DPP6: variants seen among roughly 807,000 people sequenced by gnomAD.
DPP6 encodes the protein A-type potassium channel modulatory protein DPP6.
DPP6 carries 69 observed loss-of-function variants against 122.6 expected under a neutral mutation model. The observed-to-expected ratio is 0.56, with a 90% confidence interval of 0.46 to 0.69. The LOEUF (loss-of-function observed/expected upper bound fraction) is 0.69. DPP6 is among the 30% of genes least tolerant of loss of function. DPP6 has a pLI of 0.00. For synonymous variants in DPP6, 418 were observed against 433.1 expected, an observed-to-expected ratio of 0.97 and a Z score of 0.43; for missense variants, 928 against 1,116.9, an observed-to-expected ratio of 0.83 and a Z score of 2.41.
At chr7:154,443,837 C>T (rs1474052308) in intron 1 of DPP6, among the ~76,000 whole-genome samples, 1 of 152,162 alleles carries the variant, frequency 6.6e-6, no homozygotes, top group African/African-American at 2.4e-5. Context: ...CATGTGGTAA[C>T]GGAATAGGGA....
chr7:154,399,011 G>T (rs914298370), intron 1 of DPP6, among the ~76,000 whole-genome samples: 1 of 152,162 alleles, frequency 6.6e-6, no homozygotes, highest in Non-Finnish European at 1.5e-5. Flanking sequence ...TTGGAGCAGG[G>T]CTCTTAATTG....
chr7:154,763,268 G>T (rs1795675188), intron 8 of DPP6, among the ~76,000 whole-genome samples: 1 of 152,066 alleles, frequency 6.6e-6, no homozygotes, highest in African/African-American at 2.4e-5. Context: ...GGAGGCAGAG[G>T]TTGCAGTGAG....
In DPP6 at chr7:153,913,012, T is replaced by C. The variant is rs1456944490; in HGVS notation, c.51+25278T>C. Reference sequence around the variant, plus strand: ...TAGCTGGTAACCAACGATGGAGGTTTCTTCTCCAGTAGTAACTGTGTGTAA... The same window carrying C: ...TAGCTGGTAACCAACGATGGAGGTTCCTTCTCCAGTAGTAACTGTGTGTAA... On this transcript the variant is annotated intron_variant, in intron 1 of 25. Coordinates refer to the DPP6 transcript ENST00000404039. 2.6e-5 allele frequency among the ~76,000 whole-genome samples: 4 copies of C among 152,220 alleles called. No individual in the cohort carries two copies. In the East Asian group the frequency reaches 5.8e-4, roughly 22 times the overall value.
chr7:154,289,079 G>A (rs971709599), intron 1 of DPP6, among the ~76,000 whole-genome samples: 9 of 152,232 alleles, frequency 5.9e-5, no homozygotes, highest in Admixed American at 4.6e-4. Context: ...CTGGGCAGAC[G>A]ATAATACTAA....
chr7:154,147,340 A>G (rs3115156), intron 1 of DPP6, among the ~76,000 whole-genome samples: 5,591 of 143,120 alleles, frequency 0.039, no homozygotes, highest in African/African-American at 0.15. Context: ...ATACATGCAT[A>G]AACATAAGAA....
intron 20 of DPP6, among the ~76,000 whole-genome samples, chr7:154,878,556 C>T (rs1208120731): frequency 1.3e-5 from 2 of 152,192 alleles, no homozygotes; most frequent in Non-Finnish European, 2.9e-5. Flanking sequence ...CCAATTTGAT[C>T]GGAAACCTAA....
chr7:154,723,163 T>C (rs1841902747), intron 7 of DPP6, among the ~76,000 whole-genome samples: 1 of 152,028 alleles, frequency 6.6e-6, no homozygotes, highest in Non-Finnish European at 1.5e-5. Flanking sequence ...GGAGGCTCAG[T>C]GGGAGGATTG....
chr7:154,776,748 G>C (rs138325585), intron 10 of DPP6, among the ~76,000 whole-genome samples: 229 of 152,300 alleles, frequency 1.5e-3, no homozygotes, highest in Non-Finnish European at 2.9e-3. Context: ...AAACTTACTT[G>C]CTATTTAGCC....
the DPP6 span, among the ~76,000 whole-genome samples, chr7:153,860,349 A>G: frequency 2.6e-5 from 4 of 152,116 alleles, no homozygotes; most frequent in Admixed American, 6.6e-5. Context: ...GCTGACTGGC[A>G]GAAGCTCCAT....
At chr7:154,675,756 G>A (rs377004573) in intron 7 of DPP6, among the ~76,000 whole-genome samples, 45 of 152,268 alleles carry the variant, frequency 3.0e-4, no homozygotes, top group African/African-American at 1.1e-3. Flanking sequence ...CGCGAATGCT[G>A]CCCGTTGCCC....
At chr7:154,678,679 A>C (rs1363489194) in intron 7 of DPP6, among the ~76,000 whole-genome samples, 4 of 152,270 alleles carry the variant, frequency 2.6e-5, no homozygotes, top group African/African-American at 9.6e-5. Flanking sequence ...ACTTGTTTTA[A>C]GCGTGAGAAG....
At chr7:153,810,142 G>A in the DPP6 span, among the ~76,000 whole-genome samples, 4 of 152,234 alleles carry the variant, frequency 2.6e-5, no homozygotes, top group Non-Finnish European at 4.4e-5. Flanking sequence ...ACATAAGCTG[G>A]ACAAGTACCA....
Position 154,176,611 on chromosome 7 carries a change from T to A in DPP6, c.243+123548T>A, listed in dbSNP as rs1264332454. Among the ~76,000 whole-genome samples the A allele has an allele frequency of 2.0e-5, 3 of 152,234 alleles. No individual in the cohort carries two copies. The East Asian group carries it at 5.8e-4, about 29-fold the overall frequency. On this transcript the variant is annotated intron_variant, in intron 1 of 25. Coordinates refer to ENST00000377770, the MANE Select transcript of DPP6 (RefSeq NM_130797.4). ...TCACCATGTAAAATGAGCAGGAATA[T>A]TTCAGAAGCACTGCTCTTGTCTGAT...
intron 6 of DPP6, among the ~76,000 whole-genome samples, chr7:154,639,976 A>C (rs1835964725): frequency 6.6e-6 from 1 of 152,112 alleles, no homozygotes; most frequent in Non-Finnish European, 1.5e-5. Context: ...CTAGTAAAAA[A>C]ACTCGTGGCT....
At chr7:153,921,725 A>G (rs780702950) in intron 1 of DPP6, among the ~76,000 whole-genome samples, 3 of 152,272 alleles carry the variant, frequency 2.0e-5, no homozygotes, top group Non-Finnish European at 2.9e-5. Flanking sequence ...GAACAGGTAC[A>G]TAATGGCCCT....
chr7:153,928,001 C>T (rs1303365209), intron 1 of DPP6, among the ~76,000 whole-genome samples: 5 of 152,160 alleles, frequency 3.3e-5, no homozygotes, highest in South Asian at 2.1e-4. Flanking sequence ...AGGGACCCTC[C>T]GCCTCTCTTT....
At chr7:154,417,194 T>G (rs1350778322) in intron 1 of DPP6, among the ~76,000 whole-genome samples, 2 of 152,164 alleles carry the variant, frequency 1.3e-5, no homozygotes, top group Non-Finnish European at 2.9e-5. Context: ...TCCCCACCAA[T>G]TACTTTCAAG....
chr7:153,898,648 A>G (rs1036398558), intron 1 of DPP6, among the ~76,000 whole-genome samples: 2 of 152,222 alleles, frequency 1.3e-5, no homozygotes, highest in East Asian at 3.8e-4. Context: ...ATATTCATAT[A>G]GAGCCTTTGG....
At chr7:153,922,887 G>A (rs1800706697) in intron 1 of DPP6, among the ~76,000 whole-genome samples, 1 of 152,196 alleles carries the variant, frequency 6.6e-6, no homozygotes, top group Non-Finnish European at 1.5e-5. Flanking sequence ...AATCAAAAAA[G>A]GGACATCCAA....
Sources: gnomAD v4.1 joint callset for allele counts (sites outside exome capture counted in the v4.1 genomes callset) on GRCh38, gnomAD v4.1.1 for gene constraint, MANE v1.5 for transcripts, NCBI Gene and HGNC (gene_info 2026-07-23, HGNC 2026-07-21) for gene names.